The following GRK3 variants were observed in gnomAD, a reference collection of about 807,000 sequenced individuals.
GRK3 encodes the protein adrenergic, beta, receptor kinase 2.
In GRK3, 54 loss-of-function variants were observed where a neutral mutation model predicts 95.7. The observed-to-expected ratio is 0.56, with a 90% CI of 0.45 to 0.71. The LOEUF (loss-of-function observed/expected upper bound fraction) is 0.71, where lower values mean the gene tolerates loss of function less well. Among genes scored for constraint, GRK3 ranks in the 30% least tolerant of loss-of-function variants. The pLI is 0.00. For synonymous variants in GRK3, 281 were observed against 290.8 expected, an observed-to-expected ratio of 0.97 and a Z score of 0.34; for missense variants, 649 against 851.2, an observed-to-expected ratio of 0.76 and a Z score of 2.96.
intron 1 of GRK3, among the ~76,000 whole-genome samples, chr22:25,576,350 T>A (rs1447344188): frequency 6.6e-6 from 1 of 152,232 alleles, no homozygotes; most frequent in Non-Finnish European, 1.5e-5. Context: ...CTACAGTGGC[T>A]TTGGGACAAG....
intron 13 of GRK3, among the ~76,000 whole-genome samples, chr22:25,697,185 T>C (rs1455797816): frequency 1.3e-5 from 2 of 152,234 alleles, no homozygotes. Context: ...GGGCTTTGTG[T>C]ACTTCTTTGT....
chr22:25,641,724 G>C (rs541727645), intron 2 of GRK3, among the ~76,000 whole-genome samples: 3 of 151,948 alleles, frequency 2.0e-5, no homozygotes, highest in African/African-American at 7.2e-5. Flanking sequence ...TGAGGCAGTG[G>C]GAATAGCCGG....
chr22:25,662,279 G>C (rs1212423429), intron 4 of GRK3, among the ~76,000 whole-genome samples: 1 of 152,220 alleles, frequency 6.6e-6, no homozygotes. Context: ...AAGGTGGCCT[G>C]ACAGTCCTGG....
At chr22:25,708,696 C>T (rs954673624) in intron 15 of GRK3, among the ~76,000 whole-genome samples, 3 of 150,874 alleles carry the variant, frequency 2.0e-5, no homozygotes, top group Admixed American at 6.6e-5. Flanking sequence ...GATTCTCACT[C>T]TGTCACTCAG....
intron 3 of GRK3, chr22:25,649,344 ATGGTAAAC>A (rs1358010812): frequency 1.6e-5 from 10 of 627,112 alleles, no homozygotes; most frequent in Non-Finnish European, 2.8e-5. Context: ...CACATTTTTA[ATGGTAAAC>A]TGGAGTCCCA....
chr22:25,663,071 A>G (rs1011847364), intron 4 of GRK3, among the ~76,000 whole-genome samples: 1 of 152,096 alleles, frequency 6.6e-6, no homozygotes, highest in African/African-American at 2.4e-5. Flanking sequence ...ATCTTTTTAC[A>G]ACCCCATTAT....
chr22:25,688,876 G>A (rs1219499104), intron 11 of GRK3, among the ~76,000 whole-genome samples: 3 of 152,168 alleles, frequency 2.0e-5, no homozygotes, highest in Non-Finnish European at 4.4e-5. Context: ...AAAAATGATG[G>A]GACTGACAAT....
chr22:25,644,552 T>C (rs1479045691), intron 2 of GRK3, 40 bp from the exon 3 acceptor site: 3 of 1,026,342 alleles, frequency 2.9e-6, no homozygotes, highest in African/African-American at 3.2e-5. Context: ...AAAATTTCAA[T>C]TAATTGCCCA....
intron 1 of GRK3, among the ~76,000 whole-genome samples, chr22:25,601,423 A>G (rs2084408901): frequency 6.6e-6 from 1 of 152,246 alleles, no homozygotes; most frequent in Non-Finnish European, 1.5e-5. Context: ...AGGTCAAGGA[A>G]GAAATCTCAA....
intron 1 of GRK3, among the ~76,000 whole-genome samples, chr22:25,598,246 C>T (rs2084385545): frequency 6.6e-6 from 1 of 151,456 alleles, no homozygotes; most frequent in Non-Finnish European, 1.5e-5. Flanking sequence ...CTAGAGCAAC[C>T]CCTAAGGAAA....
At chr22:25,674,649 C>G (rs1013673310) in intron 8 of GRK3, 121 bp downstream of exon 8, 14 of 772,620 alleles carry the variant, frequency 1.8e-5, no homozygotes, top group Non-Finnish European at 2.9e-5. Context: ...TACTTTACCT[C>G]CAAAAGAAAT....
chr22:25,620,644 G>GT (rs2084577988), intron 2 of GRK3, among the ~76,000 whole-genome samples: 1 of 152,114 alleles, frequency 6.6e-6, no homozygotes, highest in Admixed American at 6.5e-5. Context: ...CTGTTAGGAG[G>GT]TTTTGGGCGA....
intron 2 of GRK3, among the ~76,000 whole-genome samples, chr22:25,611,212 C>A (rs1281058831): frequency 6.6e-6 from 1 of 152,180 alleles, no homozygotes; most frequent in Admixed American, 6.5e-5. Context: ...TGGATTATTT[C>A]CACTTTTTGC....
chr22:25,674,645 A>C (rs1393604712), intron 8 of GRK3, 117 bp downstream of exon 8: 4 of 791,512 alleles, frequency 5.1e-6, no homozygotes, highest in Non-Finnish European at 8.2e-6. Context: ...GAAGTACTTT[A>C]CCTCCAAAAG....
At chr22:25,627,385 A>T (rs190123618) in intron 2 of GRK3, among the ~76,000 whole-genome samples, 113 of 152,340 alleles carry the variant, frequency 7.4e-4, no homozygotes, top group African/African-American at 2.7e-3. Context: ...CCTTGGCGTA[A>T]TAAAGCATAC....
At chr22:25,591,746 G>T (rs1569156311) in intron 1 of GRK3, among the ~76,000 whole-genome samples, 1 of 152,106 alleles carries the variant, frequency 6.6e-6, no homozygotes, top group Non-Finnish European at 1.5e-5. Flanking sequence ...CAAACGTTGT[G>T]TACTTTTTTG....
chr22:25,574,596 C>T (rs1041261943), intron 1 of GRK3, among the ~76,000 whole-genome samples: 5 of 152,210 alleles, frequency 3.3e-5, no homozygotes, highest in East Asian at 3.9e-4. Flanking sequence ...TGTCTAAGGC[C>T]GTGATGGTAT....
At chr22:25,703,472 A>T in intron 13 of GRK3, 38 bp from the exon 14 acceptor site, 2 of 1,509,006 alleles carry the variant, frequency 1.3e-6, no homozygotes, top group South Asian at 1.1e-5. Context: ...ATATCACCTG[A>T]TGCCATATTT....
intron 4 of GRK3, among the ~76,000 whole-genome samples, chr22:25,663,175 C>G (rs2084920568): frequency 6.6e-6 from 1 of 152,166 alleles, no homozygotes; most frequent in Non-Finnish European, 1.5e-5. Context: ...ACCACCATGC[C>G]TGGCTCATTT....
Sources: gnomAD v4.1 joint callset for allele counts (sites outside exome capture counted in the v4.1 genomes callset) on GRCh38, gnomAD v4.1.1 for gene constraint, MANE v1.5 for transcripts, NCBI Gene and HGNC (gene_info 2026-07-23, HGNC 2026-07-21) for gene names.